The following PSD4 variants were observed in gnomAD, a reference collection of about 807,000 sequenced individuals.
The protein encoded by PSD4 is PH and SEC7 domain-containing protein 4.
In PSD4, 59 loss-of-function variants were observed where a neutral mutation model predicts 112.5. That is an observed-to-expected ratio of 0.52 (90% confidence interval 0.43 to 0.65). The LOEUF (loss-of-function observed/expected upper bound fraction) is 0.65. PSD4 is among the 30% of genes least tolerant of loss of function. PSD4 has a pLI of 0.00. For missense variants in PSD4, 1,267 were observed against 1,352.6 expected (o/e 0.94, Z 0.99); for synonymous variants, 533 against 540.0 (o/e 0.99, Z 0.18).
At position 113,183,462 on chromosome 2, in the gene PSD4, G is replaced by T; in HGVS notation, c.1006G>T (p.Ala336Ser). ...ACACTCCATCTGCTGGGCCTCAGTG[G>T]CTGCCGCTGAGGGGGCTCCTGCAGC... ...KPHSICWASV[A>S]AAEGAPAAPP... is the part of the protein sequence containing the mutation. Residue 336 changes from alanine (A) to serine (S), a missense_variant, in exon 2 of 17, where the codon GCT becomes TCT. Ala to Ser is a moderately conservative substitution (Grantham distance 99). This residue lies in a region of PSD4 where 723 missense variants were observed against 704.0 expected (regional missense o/e 1.03). Coordinates refer to ENST00000245796, the MANE Select transcript of PSD4 (RefSeq NM_012455.3). The T allele has an allele frequency of 6.3e-7, 1 of 1,591,132 alleles. No individual in the cohort carries two copies. Among genetic ancestry groups the T allele is most frequent in the Non-Finnish European group, 8.5e-7 (1 of 1,169,842 alleles).
intron 1 of PSD4, among the ~76,000 whole-genome samples, chr2:113,181,579 G>A (rs1243658595): frequency 6.6e-6 from 1 of 152,160 alleles, no homozygotes; most frequent in African/African-American, 2.4e-5. Flanking sequence ...AGACATGGCT[G>A]CCACATCCCA....
intron 10 of PSD4, 37 bp from the exon 11 acceptor site, chr2:113,195,690 T>G: frequency 6.2e-7 from 1 of 1,613,734 alleles, no homozygotes; most frequent in Non-Finnish European, 8.5e-7. Flanking sequence ...TCCACAGCCC[T>G]GAGGCTCCCC....
intron 1 of PSD4, among the ~76,000 whole-genome samples, chr2:113,179,907 G>A (rs984520137): frequency 1.3e-5 from 2 of 152,188 alleles, no homozygotes; most frequent in African/African-American, 4.8e-5. Flanking sequence ...AATCCTGAGG[G>A]TGTCATCCAG....
chr2:113,183,581 T>C, intron 2 of PSD4, 69 bp downstream of exon 2: 3 of 1,373,702 alleles, frequency 2.2e-6, no homozygotes, highest in Non-Finnish European at 3.0e-6. Context: ...TCCTCGGGGG[T>C]CACCAGGCCC....
At chr2:113,186,527 C>G (rs1052129338) in intron 5 of PSD4, among the ~76,000 whole-genome samples, 1 of 152,146 alleles carries the variant, frequency 6.6e-6, no homozygotes, top group African/African-American at 2.4e-5. Flanking sequence ...AGCTGGAGAC[C>G]AGGAGAGGAG....
chr2:113,192,229 C>T, intron 5 of PSD4, 151 bp from the exon 6 acceptor site: 1 of 752,352 alleles, frequency 1.3e-6, no homozygotes, highest in Admixed American at 2.2e-5. Context: ...CAGGCTAAGT[C>T]AGTCTGGCTG....
chr2:113,185,640 C>T, intron 4 of PSD4, 200 bp downstream of exon 4: 4 of 1,547,798 alleles, frequency 2.6e-6, no homozygotes, highest in Non-Finnish European at 2.6e-6. Flanking sequence ...GCATTTCTTA[C>T]CGCTGGGTCT....
At chr2:113,175,202 TG>T in intron 1 of PSD4, 4 of 152,738 alleles carry the variant, frequency 2.6e-5, no homozygotes, top group Admixed American at 2.6e-4. Context: ...AGGCAGCAGC[TG>T]TACTGGGTCC....
At chr2:113,191,852 G>A (rs1181767049) in intron 5 of PSD4, among the ~76,000 whole-genome samples, 1 of 152,026 alleles carries the variant, frequency 6.6e-6, no homozygotes, top group Non-Finnish European at 1.5e-5. Flanking sequence ...GGTGGGGGAA[G>A]GGAGAGGCTG....
chr2:113,194,776 A>T (rs1688549146), intron 10 of PSD4, among the ~76,000 whole-genome samples: 1 of 152,246 alleles, frequency 6.6e-6, no homozygotes. Context: ...AAAATGATAC[A>T]TCTGTATAGG....
rs185190560 is a variant in PSD4, at chr2:113,183,604, T to C, written c.1056+92T>C. The C allele has an allele frequency of 2.0e-4, 242 of 1,239,742 alleles. No individual in the cohort carries two copies. The African/African-American group carries it at 3.3e-3, about 17-fold the overall frequency. The allele number at this position is 1,239,742 out of a possible 1,614,324, so 76.8% of individuals were successfully genotyped here. ...GGTCACCAGGCCCAGAACATTCTTT[T>C]CTGACGCTAAGAGCTTTGGGGATAA... is the stretch of plus-strand genomic sequence containing the variant. On this transcript the variant is annotated intron_variant, in intron 2 of 16. Transcript: ENST00000245796.
In PSD4 at chr2:113,182,570, C is replaced by G. The variant is rs142699564; in HGVS notation, c.114C>G (p.Ser38Arg). 4.3e-6 allele frequency: 7 copies of G among 1,614,222 alleles called. No individual in the cohort carries two copies. Among genetic ancestry groups the G allele is most frequent in the Non-Finnish European group, 5.9e-6 (7 of 1,180,036 alleles). The change falls in exon 2 of 17, where the codon AGC (serine) becomes AGG (arginine). Residue 38 changes from serine to arginine, a missense_variant. This residue lies in a region of PSD4 where 723 missense variants were observed against 704.0 expected (regional missense o/e 1.03). Transcript: ENST00000245796. ...GAGAGTGCCCAAGGGAAACGTGCAGCCATGAGGATCCACCGGAGCCTTTCG... is the reference window on the plus strand; with the variant it reads ...GAGAGTGCCCAAGGGAAACGTGCAGGCATGAGGATCCACCGGAGCCTTTCG... Reference protein sequence around the residue: ...HPGECPRETCSHEDPPEPFEE... With the variant: ...HPGECPRETCRHEDPPEPFEE...
rs1034279433 is a variant in PSD4 at position 113,205,674 on chromosome 2, G to A, written c.*4259G>A. 6.6e-6 allele frequency: 1 copy of A among 152,060 alleles called. No individual in the cohort carries two copies. The highest frequency in any genetic ancestry group is 6.6e-5 in the Admixed American group (1 of 15,250). The allele number at this position is 152,060 out of a possible 1,614,324, so 9.4% of individuals were successfully genotyped here. On this transcript the variant is annotated 3_prime_UTR_variant, in exon 17 of 17. Coordinates refer to ENST00000245796, the MANE Select transcript of PSD4 (RefSeq NM_012455.3). ...ATGCCTTGAAAAAGTAAGGCCAATG[G>A]GTAGGGTCAGAATATGGCCTGCAAA...
In PSD4 at chr2:113,201,422, C is replaced by T. The variant is rs1688776688; in HGVS notation, c.*7C>T. 1.2e-6 allele frequency: 2 copies of T among 1,612,744 alleles called. No homozygotes were observed. The highest frequency in any genetic ancestry group is 1.7e-5 in the Admixed American group (1 of 59,998). Reference sequence around the variant, plus strand: ...GAACCGCAATCAGCTGTGAAGCCAGCACCACCTCAGAGACACTGTTCCCTG... The same window carrying T: ...GAACCGCAATCAGCTGTGAAGCCAGTACCACCTCAGAGACACTGTTCCCTG... On this transcript the variant is annotated 3_prime_UTR_variant, in exon 17 of 17. Coordinates refer to ENST00000245796, the MANE Select transcript of PSD4 (RefSeq NM_012455.3).
In PSD4 at chr2:113,198,824, G is replaced by A; in HGVS notation, c.2709G>A (p.Val903=). ...THSAPPFPAA[V]GSQRRFVRPI... ...CCGCGCCGCCCTTCCCCGCCGCTGT[G>A]GGCTCCCAGCGCAGATTCGTGCGGC... Residue 903 remains valine (V), a synonymous_variant, in exon 15 of 17, where the codon GTG becomes GTA. Coordinates refer to ENST00000245796, the MANE Select transcript of PSD4 (RefSeq NM_012455.3). 6.3e-7 allele frequency: 1 copy of A among 1,596,048 alleles called. No individual in the cohort carries two copies. The highest frequency in any genetic ancestry group is 2.2e-5 in the East Asian group (1 of 44,558).
Position 113,193,351 on chromosome 2 carries a change from G to A in PSD4, c.2013G>A (p.Pro671=), listed in dbSNP as rs768095631. The A allele has an allele frequency of 2.0e-5, 32 of 1,604,974 alleles. No homozygotes were observed. The highest frequency in any genetic ancestry group is 3.5e-5 in the Admixed American group (2 of 56,520). The change falls in exon 8 of 17, where the codon CCG becomes CCA. Residue 671 remains proline (P), a synonymous_variant. Coordinates refer to ENST00000245796, the MANE Select transcript of PSD4 (RefSeq NM_012455.3). ...QFSRRFHHCN[P]GIFPSVDSVH... ...CCAGACGCTTCCACCATTGCAATCC[G>A]GGGATCTTCCCCTCAGTAGGTAGGG...
intron 10 of PSD4, among the ~76,000 whole-genome samples, chr2:113,194,518 A>T (rs1398775120): frequency 6.6e-6 from 1 of 152,260 alleles, no homozygotes; most frequent in East Asian, 1.9e-4. Context: ...CTTAACGATG[A>T]AGGTGTGTTC....
rs1688268630 is a variant in PSD4, at chr2:113,185,391, G to A, written c.1200G>A (p.Gln400=). The change falls in exon 4 of 17, where the codon CAG becomes CAA. Residue 400 remains glutamine (Q), a synonymous_variant. Transcript: ENST00000245796. ...PWASLSPEGW[Q]RGGPFWPQVT... is the part of the protein sequence containing the mutation. ...CCTCTCTCAGCCCTGAGGGCTGGCAGAGAGGAGGTCCTTTTTGGCCCCAGG... is the reference window on the plus strand; with the variant it reads ...CCTCTCTCAGCCCTGAGGGCTGGCAAAGAGGAGGTCCTTTTTGGCCCCAGG... The A allele has an allele frequency of 6.2e-7, 1 of 1,614,072 alleles. No homozygotes were observed. Among genetic ancestry groups the A allele is most frequent in the African/African-American group, 1.3e-5 (1 of 74,908 alleles).
Position 113,199,202 on chromosome 2 carries a change from G to T in PSD4, c.2889G>T (p.Leu963=). The change falls in exon 16 of 17, where the codon CTG becomes CTT. Residue 963 remains leucine (L), a synonymous_variant. Coordinates refer to ENST00000245796, the MANE Select transcript of PSD4 (RefSeq NM_012455.3). ...GCCGCGAGCTGGAGGAGCACCGCCT[G>T]CGGAAGGAGTACCTGGAGTACGAGG... ...GRGRELEEHR[L]RKEYLEYEKT... 1.3e-6 allele frequency: 2 copies of T among 1,517,530 alleles called. No individual in the cohort carries two copies. The highest frequency in any genetic ancestry group is 1.8e-6 in the Non-Finnish European group (2 of 1,136,320). 94.0% of individuals were successfully genotyped at this position (1,517,530 alleles called of 1,614,324 possible). A position where few individuals can be genotyped will look rare whatever the true frequency, so the allele number is the denominator to read the frequency against.
Sources: gnomAD v4.1 joint callset for allele counts (sites outside exome capture counted in the v4.1 genomes callset) on GRCh38, gnomAD v4.1.1 for gene constraint, gnomAD v4.1.1 regional missense constraint, MANE v1.5 for transcripts, NCBI Gene and HGNC (gene_info 2026-07-23, HGNC 2026-07-21) for gene names.